POU6F2: variants seen among roughly 807,000 people sequenced by gnomAD.
The protein encoded by POU6F2 is POU domain, class 6, transcription factor 2.
In POU6F2, 31 loss-of-function variants were observed where a neutral mutation model predicts 71.3. The observed-to-expected ratio is 0.43, with a 90% CI of 0.33 to 0.59. The LOEUF is 0.59. Among genes scored for constraint, POU6F2 ranks in the 20% least tolerant of loss-of-function variants. The pLI is 0.04. For synonymous variants in POU6F2, 347 were observed against 355.7 expected (o/e 0.98, Z 0.27); for missense variants, 783 against 856.8 (o/e 0.91, Z 1.07).
intron 4 of POU6F2, among the ~76,000 whole-genome samples, chr7:39,293,197 G>T (rs1252916484): frequency 6.6e-6 from 1 of 152,138 alleles, no homozygotes; most frequent in Admixed American, 6.5e-5. Context: ...GGGTCAGCTG[G>T]CTTCTGGGGG....
At chr7:39,168,898 G>A (rs958145971) in intron 2 of POU6F2, among the ~76,000 whole-genome samples, 2 of 152,116 alleles carry the variant, frequency 1.3e-5, no homozygotes, top group Admixed American at 1.3e-4. Flanking sequence ...GTACAGCTGC[G>A]CCCATGTGGC....
At chr7:39,043,911 A>G (rs949755083) in intron 1 of POU6F2, among the ~76,000 whole-genome samples, 1 of 151,934 alleles carries the variant, frequency 6.6e-6, no homozygotes, top group Non-Finnish European at 1.5e-5. Flanking sequence ...TCTCTGTTGC[A>G]TGAAGGCTGC....
In POU6F2 at chr7:39,158,276, T is replaced by C. The variant is rs1463363132; in HGVS notation, c.278-45959T>C. On this transcript the variant is annotated intron_variant, in intron 2 of 9. Coordinates refer to ENST00000518318, the MANE Select transcript of POU6F2 (RefSeq NM_001370959.1). ...TTCAGTAAGTGATTATTAAATATTC[T>C]AATTGGCAGGATTGAGGATACAGTG... is the stretch of plus-strand genomic sequence containing the variant. 2.0e-5 allele frequency among the ~76,000 whole-genome samples: 3 copies of C among 152,212 alleles called. No homozygotes were observed. In the East Asian group the frequency reaches 5.8e-4, roughly 29 times the overall value.
intron 4 of POU6F2, among the ~76,000 whole-genome samples, chr7:39,290,202 G>A (rs185085184): frequency 7.9e-4 from 120 of 152,100 alleles, no homozygotes; most frequent in Admixed American, 1.1e-3. Context: ...ATATTAGTCC[G>A]TCTCCTGAAT....
intron 5 of POU6F2, among the ~76,000 whole-genome samples, chr7:39,341,622 T>A (rs1042905375): frequency 7.2e-5 from 11 of 152,154 alleles, no homozygotes; most frequent in African/African-American, 9.7e-5. Context: ...ATTTCTCTAT[T>A]CCAGGCACCA....
intron 4 of POU6F2, among the ~76,000 whole-genome samples, chr7:39,333,505 G>C (rs1380684923): frequency 1.3e-5 from 2 of 152,134 alleles, no homozygotes; most frequent in Non-Finnish European, 2.9e-5. Context: ...TTGGGAGGCT[G>C]AGGCAGGCAG....
chr7:39,444,193 T>A (rs1010515168), intron 7 of POU6F2, among the ~76,000 whole-genome samples: 10 of 151,732 alleles, frequency 6.6e-5, no homozygotes, highest in South Asian at 2.1e-4. Context: ...AGTATTTTTT[T>A]AAAAAAAACA....
rs542693696 is a variant in POU6F2 at position 39,249,999 on chromosome 7, G to A, written c.598+42379G>A. ...ATAACAATGCATGGTCAATCTGCAG[G>A]CATTAAAGCGTGGGCTCTCGCAGCA... On this transcript the variant is annotated intron_variant, in intron 4 of 9. Transcript: ENST00000518318. Among the ~76,000 whole-genome samples, 5 of 152,292 alleles carry A rather than the reference G, an allele frequency of 3.3e-5. No individual in the cohort carries two copies. The South Asian group carries it at 1.0e-3, about 32-fold the overall frequency.
At chr7:38,995,904 T>C (rs1354978068) in intron 1 of POU6F2, among the ~76,000 whole-genome samples, 9 of 152,228 alleles carry the variant, frequency 5.9e-5, no homozygotes, top group Admixed American at 5.9e-4. Context: ...TTCTTGTATC[T>C]ATCCTCACAT....
intron 4 of POU6F2, among the ~76,000 whole-genome samples, chr7:39,327,075 T>C (rs539198930): frequency 2.2e-4 from 33 of 152,140 alleles, no homozygotes; most frequent in East Asian, 3.9e-4. Context: ...GTCAGGAGAT[T>C]GAGACCATCC....
At chr7:39,312,997 G>C (rs184113823) in intron 4 of POU6F2, among the ~76,000 whole-genome samples, 1 of 152,230 alleles carries the variant, frequency 6.6e-6, no homozygotes, top group South Asian at 2.1e-4. Flanking sequence ...TACAGATAAG[G>C]GGGGACTGCT....
chr7:39,453,143 T>C (rs963635436), intron 8 of POU6F2, among the ~76,000 whole-genome samples: 9 of 152,210 alleles, frequency 5.9e-5, no homozygotes, highest in Admixed American at 3.3e-4. Context: ...TGGATGCTGT[T>C]GATCTTAAAG....
At chr7:39,006,876 T>G in intron 1 of POU6F2, 1 of 1,613,244 alleles carries the variant, frequency 6.2e-7, no homozygotes. Flanking sequence ...AGGTATTTTG[T>G]TGATTTTTCA....
At chr7:39,095,482 C>A (rs966880164) in intron 2 of POU6F2, among the ~76,000 whole-genome samples, 1 of 152,112 alleles carries the variant, frequency 6.6e-6, no homozygotes, top group Non-Finnish European at 1.5e-5. Flanking sequence ...CTGATGGCAT[C>A]GAGGTGGTTG....
intron 5 of POU6F2, among the ~76,000 whole-genome samples, chr7:39,390,794 T>C (rs992080046): frequency 2.0e-5 from 3 of 152,182 alleles, no homozygotes; most frequent in Non-Finnish European, 2.9e-5. Context: ...CATCAAATAA[T>C]GTTGGGCAAC....
At position 39,063,239 on chromosome 7, in the gene POU6F2, G is replaced by A. The variant is rs1246386162; in HGVS notation, c.106-22621G>A. 2.0e-5 allele frequency among the ~76,000 whole-genome samples: 3 copies of A among 151,738 alleles called. No homozygotes were observed. The East Asian group carries it at 6.0e-4, about 30-fold the overall frequency. ...TGTATTTAAGAACTTAACGGATGTG[G>A]CAGCTCATGCCTGTAATCCCACCAC... On this transcript the variant is annotated intron_variant, in intron 1 of 9. Coordinates refer to ENST00000518318, the MANE Select transcript of POU6F2 (RefSeq NM_001370959.1).
At chr7:38,983,475 T>C (rs1215238151) in intron 1 of POU6F2, among the ~76,000 whole-genome samples, 1 of 152,010 alleles carries the variant, frequency 6.6e-6, no homozygotes, top group Non-Finnish European at 1.5e-5. Flanking sequence ...CCTATGTAAA[T>C]TGCTCTGTTG....
chr7:39,092,424 T>A (rs578015113), intron 2 of POU6F2, among the ~76,000 whole-genome samples: 5 of 152,328 alleles, frequency 3.3e-5, no homozygotes, highest in African/African-American at 1.2e-4. Context: ...AATGTTTATC[T>A]TTTTAAATTT....
chr7:39,003,224 A>T (rs1370314449), intron 1 of POU6F2, among the ~76,000 whole-genome samples: 2 of 152,152 alleles, frequency 1.3e-5, no homozygotes, highest in African/African-American at 4.8e-5. Context: ...CTCTTGTAGG[A>T]TATTTTGAAA....
Sources: allele counts gnomAD v4.1 joint callset (sites outside exome capture counted in the v4.1 genomes callset), GRCh38; gene constraint gnomAD v4.1.1; transcripts MANE v1.5; gene names NCBI Gene and HGNC (gene_info 2026-07-23, HGNC 2026-07-21).